PRKAA2: variants seen among roughly 807,000 people sequenced by gnomAD.
PRKAA2 encodes protein kinase AMP-activated catalytic subunit alpha 2.
A neutral mutation model predicts 56.3 loss-of-function variants in PRKAA2; 40 were observed. That is an observed-to-expected ratio of 0.71 (90% CI 0.55 to 0.92). The LOEUF is 0.92. Ranked by LOEUF, PRKAA2 falls within the 40% of genes least tolerant of loss-of-function variation. The pLI, the probability that PRKAA2 is intolerant of heterozygous loss-of-function variation, is 0.00. For synonymous variants in PRKAA2, 214 were observed against 234.2 expected (o/e 0.91, Z 0.79); for missense variants, 542 against 686.9 (o/e 0.79, Z 2.36).
intron 2 of PRKAA2, among the ~76,000 whole-genome samples, chr1:56,686,211 C>T (rs752099922): frequency 7.9e-5 from 12 of 152,132 alleles, no homozygotes; most frequent in East Asian, 1.9e-4. Context: ...GCATTTTCTA[C>T]GAAGAAATGT....
Position 56,706,974 on chromosome 1 carries a change from G to A in PRKAA2, c.1421-501G>A, listed in dbSNP as rs533488236. ...AATTACATGTTGTTGTTATTAAAACGCAGATCCCTGGGAACCACTCCAGAC... is the reference window on the plus strand; with the variant it reads ...AATTACATGTTGTTGTTATTAAAACACAGATCCCTGGGAACCACTCCAGAC... On this transcript the variant is annotated intron_variant, in intron 8 of 8. Transcript: ENST00000371244. Among the ~76,000 whole-genome samples, 229 of 152,208 alleles carry A rather than the reference G, an allele frequency of 1.5e-3. No individual in the cohort carries two copies. The Middle Eastern group carries it at 0.017, about 11-fold the overall frequency.
chr1:56,672,455 TC>T (rs1644084302), intron 1 of PRKAA2, among the ~76,000 whole-genome samples: 2 of 152,112 alleles, frequency 1.3e-5, no homozygotes, highest in Admixed American at 6.6e-5. Context: ...TTGAGTTATT[TC>T]TGGGATATTA....
chr1:56,704,658 T>G (rs987648584), intron 7 of PRKAA2, among the ~76,000 whole-genome samples, 183 bp downstream of exon 7: 1 of 152,146 alleles, frequency 6.6e-6, no homozygotes, highest in Non-Finnish European at 1.5e-5. Flanking sequence ...CCAACATATT[T>G]TGAATTATAG....
intron 1 of PRKAA2, among the ~76,000 whole-genome samples, chr1:56,658,180 G>C (rs1643960734): frequency 2.0e-5 from 3 of 152,052 alleles, no homozygotes. Flanking sequence ...CACAGATCAT[G>C]TTTCTTATTT....
rs74075714 is a variant in PRKAA2 at position 56,673,491 on chromosome 1, T to C, written c.95-890T>C. On this transcript the variant is annotated intron_variant, in intron 1 of 8. Coordinates refer to ENST00000371244, the MANE Select transcript of PRKAA2 (RefSeq NM_006252.4). Reference sequence around the variant, plus strand: ...GGTTAGATAGATGTTTTGAGGAGAGTAGTGAAAGATTAGAATAGAATTGAG... The same window carrying C: ...GGTTAGATAGATGTTTTGAGGAGAGCAGTGAAAGATTAGAATAGAATTGAG... Among the ~76,000 whole-genome samples, 711 of 151,872 alleles carry C rather than the reference T, an allele frequency of 4.7e-3. 3 individuals are homozygous for C. Among genetic ancestry groups the C allele is most frequent in the African/African-American group, 0.016 (659 of 41,390 alleles).
At chr1:56,705,427 C>T (rs1164152570) in intron 7 of PRKAA2, among the ~76,000 whole-genome samples, 1 of 151,894 alleles carries the variant, frequency 6.6e-6, no homozygotes, top group Non-Finnish European at 1.5e-5. Flanking sequence ...TTTTTTGAGA[C>T]AGGGTCTCAC....
chr1:56,707,482 A>G lies in PRKAA2; in HGVS notation c.1428A>G (p.Val476=), dbSNP rs776591239. 1.2e-6 allele frequency: 2 copies of G among 1,614,014 alleles called. No individual in the cohort carries two copies. Among genetic ancestry groups the G allele is most frequent in the African/African-American group, 1.3e-5 (1 of 75,060 alleles). Reference sequence around the variant, plus strand: ...TTCTTTGGTCCATTTCAGATGAAGTAGTGGAGCAGAGATCTGGTTCCTCAA... The same window carrying G: ...TTCTTTGGTCCATTTCAGATGAAGTGGTGGAGCAGAGATCTGGTTCCTCAA... The part of the protein sequence containing the change: ...LLDFKSIDDE[V]VEQRSGSSTP... The change falls in exon 9 of 9, where the codon GTA becomes GTG. Residue 476 remains valine (V), a synonymous_variant. Coordinates refer to ENST00000371244, the MANE Select transcript of PRKAA2 (RefSeq NM_006252.4).
chr1:56,663,823 A>C (rs1186846328), intron 1 of PRKAA2, among the ~76,000 whole-genome samples: 1 of 152,134 alleles, frequency 6.6e-6, no homozygotes, highest in Non-Finnish European at 1.5e-5. Context: ...TTGTCAGCCA[A>C]GCATGGTGGC....
chr1:56,655,773 G>C (rs180683040), intron 1 of PRKAA2, among the ~76,000 whole-genome samples: 2 of 152,120 alleles, frequency 1.3e-5, no homozygotes, highest in Non-Finnish European at 2.9e-5. Context: ...GTTTATCAAG[G>C]AGAGTCTGAT....
intron 1 of PRKAA2, among the ~76,000 whole-genome samples, chr1:56,655,067 TCA>T (rs1457874179): frequency 6.6e-6 from 1 of 151,272 alleles, no homozygotes; most frequent in East Asian, 1.9e-4. Flanking sequence ...ATTCAACATC[TCA>T]GTTTCTAAAT....
At chr1:56,682,825 TTTAAA>T (rs1644164326) in intron 2 of PRKAA2, among the ~76,000 whole-genome samples, 1 of 152,190 alleles carries the variant, frequency 6.6e-6, no homozygotes, top group African/African-American at 2.4e-5. Flanking sequence ...GCTGTGTAAA[TTTAAA>T]TTAATTAAAA....
At chr1:56,670,356 G>A (rs1003189615) in intron 1 of PRKAA2, among the ~76,000 whole-genome samples, 6 of 152,164 alleles carry the variant, frequency 3.9e-5, no homozygotes, top group Non-Finnish European at 1.5e-5. Flanking sequence ...ATGTCTGATG[G>A]TGTCAAAAAT....
chr1:56,650,549 T>C (rs1646678802), intron 1 of PRKAA2, among the ~76,000 whole-genome samples: 1 of 152,206 alleles, frequency 6.6e-6, no homozygotes, highest in Non-Finnish European at 1.5e-5. Flanking sequence ...TAAAGACTGA[T>C]TGAAGAAACA....
intron 6 of PRKAA2, among the ~76,000 whole-genome samples, chr1:56,703,263 A>G (rs1644308277): frequency 6.6e-6 from 1 of 152,224 alleles, no homozygotes; most frequent in South Asian, 2.1e-4. Flanking sequence ...GCTATTATCT[A>G]TCAATATTTA....
At position 56,714,445 on chromosome 1, in the gene PRKAA2, T is replaced by G. The variant is rs1644392347; in HGVS notation, c.*6732T>G. 1 of 152,188 alleles carries G rather than the reference T, an allele frequency of 6.6e-6. No homozygotes were observed. The highest frequency in any genetic ancestry group is 6.6e-5 in the Admixed American group (1 of 15,262). 9.4% of individuals were successfully genotyped at this position (152,188 alleles called of 1,614,324 possible). A position where few individuals can be genotyped will look rare whatever the true frequency, so the allele number is the denominator to read the frequency against. On this transcript the variant is annotated 3_prime_UTR_variant, in exon 9 of 9. Transcript: ENST00000371244. ...TAAAAAAAATAAGTATCTTTGATACTGATAGGATGAGTATCTTGATTTTTA... is the reference window on the plus strand; with the variant it reads ...TAAAAAAAATAAGTATCTTTGATACGGATAGGATGAGTATCTTGATTTTTA...
chr1:56,678,569 C>T (rs1307685591), intron 2 of PRKAA2, among the ~76,000 whole-genome samples: 1 of 152,060 alleles, frequency 6.6e-6, no homozygotes, highest in Non-Finnish European at 1.5e-5. Flanking sequence ...CCAAACTTTC[C>T]TATGAAGTAG....
intron 2 of PRKAA2, among the ~76,000 whole-genome samples, chr1:56,683,836 A>G (rs1644172999): frequency 6.6e-6 from 1 of 152,154 alleles, no homozygotes; most frequent in Admixed American, 6.6e-5. Flanking sequence ...GGTCAGAGAC[A>G]TAAAGGGCAT....
chr1:56,703,505 C>A (rs1644310035), intron 6 of PRKAA2, among the ~76,000 whole-genome samples: 1 of 152,036 alleles, frequency 6.6e-6, no homozygotes, highest in Non-Finnish European at 1.5e-5. Context: ...CAGTCTGTTG[C>A]ATTATTTTGT....
chr1:56,711,234 T>A lies in PRKAA2; in HGVS notation c.*3521T>A, dbSNP rs1039411258. The A allele has an allele frequency of 6.6e-6, 1 of 152,136 alleles. No homozygotes were observed. Among genetic ancestry groups the A allele is most frequent in the Non-Finnish European group, 1.5e-5 (1 of 67,978 alleles). 9.4% of individuals were successfully genotyped at this position (152,136 alleles called of 1,614,324 possible). A position where few individuals can be genotyped will look rare whatever the true frequency, so the allele number is the denominator to read the frequency against. On this transcript the variant is annotated 3_prime_UTR_variant, in exon 9 of 9. Transcript: ENST00000371244. ...TTTATAATTCTGAGTTTGCTTTTTC[T>A]TATTCCCTAGACAGTTTGTACTCAG...
Sources: allele counts gnomAD v4.1 joint callset (sites outside exome capture counted in the v4.1 genomes callset), GRCh38; gene constraint gnomAD v4.1.1; transcripts MANE v1.5; gene names NCBI Gene and HGNC (gene_info 2026-07-23, HGNC 2026-07-21).